Variants in THSD4 observed in about 807,000 individuals in gnomAD.
The protein encoded by THSD4 is thrombospondin type-1 domain-containing protein 4.
THSD4 carries 69 observed loss-of-function variants against 119.0 expected under a neutral mutation model. The ratio of observed to expected loss-of-function variants is 0.58; its 90% CI spans 0.48 to 0.71. THSD4 has a LOEUF of 0.71. THSD4 is among the 30% of genes least tolerant of loss of function. The pLI is 0.00. For synonymous variants in THSD4, 524 were observed against 540.4 expected (o/e 0.97, Z 0.42); for missense variants, 1,393 against 1,391.1 (o/e 1.00, Z -0.02).
intron 7 of THSD4, among the ~76,000 whole-genome samples, chr15:71,598,916 C>T (rs937167952): frequency 1.3e-5 from 2 of 152,140 alleles, no homozygotes; most frequent in African/African-American, 2.4e-5. Context: ...CGCATCTGAC[C>T]GGAACTTATT....
At chr15:71,711,021 A>G (rs921953806) in intron 8 of THSD4, among the ~76,000 whole-genome samples, 6 of 151,732 alleles carry the variant, frequency 4.0e-5, no homozygotes, top group African/African-American at 1.5e-4. Flanking sequence ...AGAAAAAGCC[A>G]AAGTCATATC....
intron 8 of THSD4, among the ~76,000 whole-genome samples, chr15:71,719,924 C>T (rs1339470529): frequency 6.6e-6 from 1 of 152,134 alleles, no homozygotes; most frequent in Non-Finnish European, 1.5e-5. Flanking sequence ...GATCTGCCTG[C>T]CTCGGCCTCG....
intron 4 of THSD4, among the ~76,000 whole-genome samples, chr15:71,226,594 T>C (rs2044020149): frequency 1.3e-5 from 2 of 152,228 alleles, no homozygotes; most frequent in African/African-American, 4.8e-5. Context: ...CGGTAATAAC[T>C]TTGGAGCAAT....
intron 11 of THSD4, among the ~76,000 whole-genome samples, chr15:71,743,470 A>G (rs146486608): frequency 6.6e-6 from 1 of 152,236 alleles, no homozygotes; most frequent in Non-Finnish European, 1.5e-5. Flanking sequence ...ATTCACCTTT[A>G]TAACTGCACA....
chr15:71,411,664 T>A, intron 6 of THSD4, 23 bp from the exon 7 acceptor site: 1 of 1,599,676 alleles, frequency 6.3e-7, no homozygotes, highest in Non-Finnish European at 8.5e-7. Context: ...TTTATTTTAT[T>A]TTATTTCATT....
chr15:71,112,295 C>T, upstream of THSD4: 11 of 1,475,564 alleles, frequency 7.5e-6, no homozygotes, highest in Non-Finnish European at 1.0e-5. Flanking sequence ...ATCAACTTAA[C>T]TAGGACAAGA....
At chr15:71,371,630 G>A (rs565863032) in intron 6 of THSD4, among the ~76,000 whole-genome samples, 2 of 152,230 alleles carry the variant, frequency 1.3e-5, no homozygotes, top group African/African-American at 2.4e-5. Flanking sequence ...GGCTTGTAGA[G>A]TTTCTGCCAA....
intron 7 of THSD4, among the ~76,000 whole-genome samples, chr15:71,622,232 A>G (rs2050431104): frequency 6.6e-6 from 1 of 152,262 alleles, no homozygotes; most frequent in African/African-American, 2.4e-5. Flanking sequence ...TGTTCTTTCT[A>G]TAAACATTTT....
At chr15:71,212,401 T>C (rs1225895999) in intron 3 of THSD4, among the ~76,000 whole-genome samples, 2 of 152,188 alleles carry the variant, frequency 1.3e-5, no homozygotes, top group African/African-American at 2.4e-5. Context: ...AATTTGGCAA[T>C]AGGAACTAAA....
chr15:71,346,874 T>C lies in THSD4; in HGVS notation c.1016-64813T>C, dbSNP rs1477385277. On this transcript the variant is annotated intron_variant, in intron 6 of 17. Coordinates refer to ENST00000261862, the MANE Select transcript of THSD4 (RefSeq NM_024817.3). ...TAAGTTTCATTTTCATTTTCTTTTT[T>C]TTTTTTTTTTTTTTTTTGAGACGGA... is the stretch of plus-strand genomic sequence containing the variant. 5.2e-5 allele frequency among the ~76,000 whole-genome samples: 7 copies of C among 134,566 alleles called. No individual in the cohort carries two copies. In the East Asian group the frequency reaches 8.4e-4, roughly 16 times the overall value. The allele number at this position is 134,566 out of a possible 152,430, so 88.3% of individuals were successfully genotyped here.
chr15:71,461,073 G>A (rs975491300), intron 7 of THSD4, among the ~76,000 whole-genome samples: 3 of 152,094 alleles, frequency 2.0e-5, no homozygotes, highest in African/African-American at 7.2e-5. Context: ...TAGAATTCAG[G>A]AGCAGCTTAA....
chr15:71,764,573 G>A (rs1341696608), intron 15 of THSD4, among the ~76,000 whole-genome samples: 2 of 152,238 alleles, frequency 1.3e-5, no homozygotes, highest in African/African-American at 4.8e-5. Flanking sequence ...GTTCACAGGT[G>A]TGCAGAGTGT....
intron 6 of THSD4, among the ~76,000 whole-genome samples, chr15:71,264,965 G>A (rs1451786224): frequency 2.6e-5 from 4 of 152,094 alleles, no homozygotes; most frequent in Admixed American, 6.5e-5. Context: ...TGAAGATGGG[G>A]ACTCTAAGGA....
chr15:71,366,044 C>T (rs1017509855), intron 6 of THSD4, among the ~76,000 whole-genome samples: 1 of 152,062 alleles, frequency 6.6e-6, no homozygotes, highest in Non-Finnish European at 1.5e-5. Flanking sequence ...ATCCTCCCTC[C>T]TACTTGTGTC....
chr15:71,201,948 A>G (rs1028767121), intron 3 of THSD4, among the ~76,000 whole-genome samples: 2 of 152,224 alleles, frequency 1.3e-5, no homozygotes, highest in African/African-American at 2.4e-5. Context: ...TCTTCTGTGA[A>G]TAGCTGGGGC....
At chr15:71,263,146 G>A (rs1000995836) in intron 6 of THSD4, among the ~76,000 whole-genome samples, 4 of 151,886 alleles carry the variant, frequency 2.6e-5, no homozygotes, top group African/African-American at 9.7e-5. Context: ...AGGCTCCAGT[G>A]TGTGTTGTTC....
At chr15:71,571,726 T>C (rs4073105) in intron 7 of THSD4, among the ~76,000 whole-genome samples, 25,363 of 147,814 alleles carry the variant, frequency 0.17, 2,252 homozygotes, top group Middle Eastern at 0.23. Context: ...TTAGAATCTA[T>C]AGGAAGTCTC....
rs1391225486 is a variant in THSD4 at position 71,379,700 on chromosome 15, C to T, written c.1016-31987C>T. 5.9e-5 allele frequency among the ~76,000 whole-genome samples: 9 copies of T among 151,924 alleles called. No individual in the cohort carries two copies. In the East Asian group the frequency reaches 1.7e-3, roughly 29 times the overall value. On this transcript the variant is annotated intron_variant, in intron 6 of 17. Transcript: ENST00000261862. ...GTCTCAATCTCCTGACCCCGTGATC[C>T]ACCCGCCTCGGCCTCCCAAAGTGCT...
intron 7 of THSD4, among the ~76,000 whole-genome samples, chr15:71,597,893 C>G (rs1300565989): frequency 6.6e-6 from 1 of 152,138 alleles, no homozygotes; most frequent in African/African-American, 2.4e-5. Flanking sequence ...TTCAGACGCT[C>G]CCTGGAATTG....
Sources: gnomAD v4.1 joint callset for allele counts (sites outside exome capture counted in the v4.1 genomes callset) on GRCh38, gnomAD v4.1.1 for gene constraint, MANE v1.5 for transcripts, NCBI Gene and HGNC (gene_info 2026-07-23, HGNC 2026-07-21) for gene names.